PDE1C: variants seen among roughly 807,000 people sequenced by gnomAD.
PDE1C encodes the protein phosphodiesterase 1C.
PDE1C carries 62 observed loss-of-function variants against 93.1 expected under a neutral mutation model. That is an observed-to-expected ratio of 0.67 (90% CI 0.54 to 0.82). The LOEUF (loss-of-function observed/expected upper bound fraction) is 0.82. PDE1C is among the 40% of genes least tolerant of loss of function. The pLI is 0.00. For synonymous variants in PDE1C, 325 were observed against 310.1 expected (o/e 1.05, Z -0.50); for missense variants, 742 against 884.6 (o/e 0.84, Z 2.04).
chr7:32,413,251 T>C (rs983405625), intron 1 of PDE1C, among the ~76,000 whole-genome samples: 2 of 152,056 alleles, frequency 1.3e-5, no homozygotes, highest in African/African-American at 4.8e-5. Flanking sequence ...GGTAGACAGA[T>C]GGATAGATAA....
rs188359225 is a variant in PDE1C at position 31,791,656 on chromosome 7, G to T, written c.1892-15924C>A. On this transcript the variant is annotated intron_variant, in intron 16 of 17. Coordinates refer to ENST00000396191, the MANE Select transcript of PDE1C (RefSeq NM_001191057.4). ...ATTTTGTTAGGATGACAGAAGGTTG[G>T]GTTTGATTTTTTAATAACAGACCCA... Among the ~76,000 whole-genome samples, 40 of 152,170 alleles carry T rather than the reference G, an allele frequency of 2.6e-4. 1 individual carries two copies. The East Asian group carries it at 6.6e-3, about 25-fold the overall frequency.
intron 2 of PDE1C, among the ~76,000 whole-genome samples, chr7:31,921,091 A>C (rs1802566235): frequency 6.6e-6 from 1 of 152,184 alleles, no homozygotes; most frequent in Admixed American, 6.5e-5. Context: ...AGGTAGGTTG[A>C]CTCTCATCTG....
intron 16 of PDE1C, among the ~76,000 whole-genome samples, chr7:31,794,433 C>T (rs1195613527): frequency 6.6e-6 from 1 of 151,974 alleles, no homozygotes; most frequent in Non-Finnish European, 1.5e-5. Flanking sequence ...ATGTTAAACT[C>T]TTCCTCTCTA....
intron 2 of PDE1C, among the ~76,000 whole-genome samples, chr7:32,020,461 T>C (rs1354518062): frequency 2.6e-5 from 4 of 152,070 alleles, no homozygotes; most frequent in Non-Finnish European, 5.9e-5. Flanking sequence ...TCTGAAATAA[T>C]AAGCACACAA....
chr7:31,734,886 T>G, the PDE1C span, among the ~76,000 whole-genome samples: 14 of 152,320 alleles, frequency 9.2e-5, no homozygotes, highest in Non-Finnish European at 1.0e-4. Context: ...AAAAGTAGAC[T>G]AGGAATATCT....
chr7:31,720,214 G>A, the PDE1C span, among the ~76,000 whole-genome samples: 3 of 131,666 alleles, frequency 2.3e-5, no homozygotes, highest in African/African-American at 5.5e-5. Flanking sequence ...CTAATGTGTA[G>A]AACACATAAA....
chr7:31,859,464 T>C (rs1343926857), intron 7 of PDE1C, among the ~76,000 whole-genome samples: 1 of 143,510 alleles, frequency 7.0e-6, no homozygotes, highest in African/African-American at 2.5e-5. Flanking sequence ...ATAAATAATA[T>C]AAAGTTATAT....
chr7:32,251,688 T>C (rs1194457603), intron 1 of PDE1C, among the ~76,000 whole-genome samples: 1 of 152,202 alleles, frequency 6.6e-6, no homozygotes. Context: ...ACACACTGAA[T>C]ATCATCCATG....
chr7:32,048,841 A>C (rs1295122661), intron 2 of PDE1C, among the ~76,000 whole-genome samples: 1 of 152,198 alleles, frequency 6.6e-6, no homozygotes, highest in African/African-American at 2.4e-5. Context: ...CACACTTTAA[A>C]TGACTTCAAT....
the PDE1C span, among the ~76,000 whole-genome samples, chr7:31,670,124 A>G: frequency 6.6e-6 from 1 of 152,172 alleles, no homozygotes; most frequent in Non-Finnish European, 1.5e-5. Flanking sequence ...AGCCCCAAAC[A>G]TTCATATACA....
At chr7:31,766,020 TTCAATGACATAATACATGTTAA>T (rs369639579) in intron 17 of PDE1C, among the ~76,000 whole-genome samples, 521 of 152,272 alleles carry the variant, frequency 3.4e-3, no homozygotes, top group African/African-American at 0.012. Flanking sequence ...ATTGTGAGGA[TTCAATGACATAATACATGTTAA>T]GGACCTAATG....
the PDE1C span, among the ~76,000 whole-genome samples, chr7:31,671,312 CCAAAAG>C: frequency 6.6e-6 from 1 of 152,072 alleles, no homozygotes; most frequent in South Asian, 2.1e-4. Context: ...CTGATGGCAC[CCAAAAG>C]TGCTCACCCT....
intron 3 of PDE1C, among the ~76,000 whole-genome samples, chr7:32,161,736 G>A (rs1344124892): frequency 2.6e-5 from 4 of 152,330 alleles, no homozygotes; most frequent in Admixed American, 2.0e-4. Flanking sequence ...TTGGCAGGGT[G>A]AGTTAGGTGG....
the PDE1C span, among the ~76,000 whole-genome samples, chr7:31,661,344 A>G: frequency 1.3e-5 from 2 of 152,196 alleles, no homozygotes; most frequent in African/African-American, 4.8e-5. Context: ...ATTGACTGCT[A>G]CCTTCTGTGC....
chr7:32,186,290 G>A (rs1249571520), intron 2 of PDE1C, among the ~76,000 whole-genome samples: 4 of 151,968 alleles, frequency 2.6e-5, no homozygotes, highest in Non-Finnish European at 4.4e-5. Context: ...TTTTAGTAGA[G>A]ACGGGGTTTC....
At chr7:32,335,729 T>C (rs1562679254) in intron 1 of PDE1C, among the ~76,000 whole-genome samples, 1 of 151,910 alleles carries the variant, frequency 6.6e-6, no homozygotes, top group African/African-American at 2.4e-5. Context: ...TGTTTGTTTG[T>C]TTGTTTTTGT....
intron 9 of PDE1C, among the ~76,000 whole-genome samples, chr7:31,840,432 G>A (rs1028975488): frequency 3.3e-5 from 5 of 151,258 alleles, no homozygotes; most frequent in Non-Finnish European, 5.9e-5. Context: ...TTTTTTTAAC[G>A]GTGTCTTCCA....
In PDE1C at chr7:32,024,100, T is replaced by C. The variant is rs867605424; in HGVS notation, c.128+27454A>G. On this transcript the variant is annotated intron_variant, in intron 2 of 17. Transcript: ENST00000396191. ...CTTTAAAATATATGTAGTCAATTTATATCAGGATGTGTCATGAGGTTTCTC... is the reference window on the plus strand; with the variant it reads ...CTTTAAAATATATGTAGTCAATTTACATCAGGATGTGTCATGAGGTTTCTC... Among the ~76,000 whole-genome samples, 10 of 152,122 alleles carry C rather than the reference T, an allele frequency of 6.6e-5. 1 individual carries two copies. Among genetic ancestry groups the C allele is most frequent in the Middle Eastern group, 6.3e-3 (2 of 316 alleles).
intron 2 of PDE1C, among the ~76,000 whole-genome samples, chr7:31,962,055 G>A (rs1183005783): frequency 3.3e-5 from 5 of 152,128 alleles, no homozygotes; most frequent in Admixed American, 2.6e-4. Context: ...TATCTATAAT[G>A]TCCAGAGTTT....
Sources: gnomAD v4.1 joint callset for allele counts (sites outside exome capture counted in the v4.1 genomes callset) on GRCh38, gnomAD v4.1.1 for gene constraint, MANE v1.5 for transcripts, NCBI Gene and HGNC (gene_info 2026-07-23, HGNC 2026-07-21) for gene names.